The following RASGRF2 variants were observed in gnomAD, a reference collection of about 807,000 sequenced individuals.
RASGRF2 encodes ras-specific guanine nucleotide-releasing factor 2.
RASGRF2 carries 76 observed loss-of-function variants against 151.0 expected under a neutral mutation model. The observed-to-expected ratio is 0.50, with a 90% CI of 0.42 to 0.61. The LOEUF (loss-of-function observed/expected upper bound fraction) is 0.61, where lower values mean the gene tolerates loss of function less well. Ranked by LOEUF, RASGRF2 falls within the 20% of genes least tolerant of loss-of-function variation. The probability of loss-of-function intolerance (pLI) is 0.00; values close to 1 mark genes in which losing one functional copy is unlikely to be tolerated. For synonymous variants in RASGRF2, 504 were observed against 566.5 expected (o/e 0.89, Z 1.57); for missense variants, 1,148 against 1,564.6 (o/e 0.73, Z 4.49).
chr5:81,019,368 T>C (rs1016226846), intron 1 of RASGRF2: 3 of 152,214 alleles, frequency 2.0e-5, no homozygotes, highest in South Asian at 2.1e-4. Flanking sequence ...TAGTCCCCTG[T>C]GCGTTGAGAT....
At chr5:81,172,444 T>C (rs372348426) in intron 17 of RASGRF2, among the ~76,000 whole-genome samples, 1 of 142,236 alleles carries the variant, frequency 7.0e-6, no homozygotes, top group East Asian at 2.1e-4. Flanking sequence ...CGTGTGTGTG[T>C]GTGTGTGTGT....
At chr5:81,140,879 G>A (rs1372278879) in intron 17 of RASGRF2, among the ~76,000 whole-genome samples, 3 of 152,150 alleles carry the variant, frequency 2.0e-5, no homozygotes, top group South Asian at 4.1e-4. Context: ...AGTAACCTAA[G>A]TAGGGATGGA....
intron 23 of RASGRF2, among the ~76,000 whole-genome samples, chr5:81,215,463 G>T (rs1484544593): frequency 6.6e-6 from 1 of 151,734 alleles, no homozygotes; most frequent in Non-Finnish European, 1.5e-5. Context: ...TAGAGATGGG[G>T]TTTCACCATG....
chr5:81,225,696 G>T lies in RASGRF2; in HGVS notation c.3640G>T (p.Asp1214Tyr), dbSNP rs1267616887. The change falls in exon 27 of 27, where the codon GAC (aspartate) becomes TAC (tyrosine). Residue 1214 changes from aspartate (D) to tyrosine (Y), a missense_variant. Around this residue, in one of 5 missense-constraint regions of RASGRF2, gnomAD observed 100 missense variants for 148.2 expected, o/e 0.67. Transcript: ENST00000265080. ...TTTTCAGGTCGCACAGTACTTGCTT[G>T]ACAAAGACCTTATCATAGATGAAGA... ...HQPKVAQYLL[D>Y]KDLIIDEDTL... is the part of the protein sequence containing the mutation. 6.2e-7 allele frequency: 1 copy of T among 1,612,100 alleles called. No individual in the cohort carries two copies. The highest frequency in any genetic ancestry group is 8.5e-7 in the Non-Finnish European group (1 of 1,179,542).
chr5:81,158,242 T>C (rs1186175908), intron 17 of RASGRF2, among the ~76,000 whole-genome samples: 1 of 152,218 alleles, frequency 6.6e-6, no homozygotes, highest in African/African-American at 2.4e-5. Context: ...AGTTGTTGAT[T>C]TTCTGTAAAG....
intron 17 of RASGRF2, among the ~76,000 whole-genome samples, chr5:81,152,324 A>G (rs552298707): frequency 6.6e-6 from 1 of 152,246 alleles, no homozygotes; most frequent in Admixed American, 6.5e-5. Context: ...TTCAAATTCA[A>G]ATAAAGATTA....
intron 16 of RASGRF2, among the ~76,000 whole-genome samples, chr5:81,124,101 T>C (rs1753388756): frequency 6.6e-6 from 1 of 152,218 alleles, no homozygotes; most frequent in Non-Finnish European, 1.5e-5. Flanking sequence ...TGTTAGTTAT[T>C]ATAAATAATC....
chr5:81,027,240 A>G (rs1750067731), intron 1 of RASGRF2, among the ~76,000 whole-genome samples: 1 of 152,212 alleles, frequency 6.6e-6, no homozygotes, highest in Non-Finnish European at 1.5e-5. Flanking sequence ...TATGGGCTTT[A>G]GTTAATAATT....
intron 15 of RASGRF2, among the ~76,000 whole-genome samples, chr5:81,121,630 G>GTC (rs1017931429): frequency 6.6e-6 from 1 of 152,116 alleles, no homozygotes; most frequent in Non-Finnish European, 1.5e-5. Context: ...CATTCCTCAC[G>GTC]TCTGTTCCAG....
At chr5:81,125,457 A>G (rs1753427070) in intron 16 of RASGRF2, among the ~76,000 whole-genome samples, 1 of 152,174 alleles carries the variant, frequency 6.6e-6, no homozygotes, top group African/African-American at 2.4e-5. Flanking sequence ...GAAGGTGACA[A>G]ATTAGACTTT....
At chr5:81,159,472 C>G (rs1754333734) in intron 17 of RASGRF2, among the ~76,000 whole-genome samples, 1 of 152,216 alleles carries the variant, frequency 6.6e-6, no homozygotes, top group East Asian at 1.9e-4. Flanking sequence ...ACCACGTACT[C>G]TACGATTCCT....
intron 1 of RASGRF2, among the ~76,000 whole-genome samples, chr5:80,981,306 T>G (rs1237247404): frequency 2.6e-5 from 4 of 152,320 alleles, no homozygotes; most frequent in Non-Finnish European, 5.9e-5. Context: ...GGTTTTCAGG[T>G]CATGGTATCA....
Position 81,140,263 on chromosome 5 carries a change from T to G in RASGRF2, c.2686+13100T>G, listed in dbSNP as rs76802855. Among the ~76,000 whole-genome samples the G allele has an allele frequency of 2.3e-3, 343 of 152,344 alleles. 2 individuals carry two copies. The highest frequency in any genetic ancestry group is 8.1e-3 in the African/African-American group (336 of 41,576). On this transcript the variant is annotated intron_variant, in intron 17 of 26. Coordinates refer to ENST00000265080, the MANE Select transcript of RASGRF2 (RefSeq NM_006909.3). ...TCTTTCACACCATTCTTCAACAGAT[T>G]CAGGACACCTTTTTGTTTTTTCCTA...
chr5:81,095,067 G>GT (rs1361694578), intron 12 of RASGRF2, 75 bp downstream of exon 12: 24 of 1,172,700 alleles, frequency 2.0e-5, no homozygotes, highest in African/African-American at 1.7e-4. Context: ...GTTTTTAGAG[G>GT]TTTTTTATCT....
intron 2 of RASGRF2, among the ~76,000 whole-genome samples, chr5:81,050,315 TC>T (rs1750971420): frequency 6.6e-6 from 1 of 152,232 alleles, no homozygotes; most frequent in Non-Finnish European, 1.5e-5. Flanking sequence ...ATTCCGGGGT[TC>T]CCAGTTGCTT....
intron 15 of RASGRF2, among the ~76,000 whole-genome samples, chr5:81,118,680 C>T (rs1250298442): frequency 6.6e-6 from 1 of 152,208 alleles, no homozygotes; most frequent in African/African-American, 2.4e-5. Context: ...GCAAATTTTC[C>T]AAGTCTTTCT....
chr5:81,034,759 T>G (rs1215347616), intron 1 of RASGRF2, among the ~76,000 whole-genome samples: 3 of 135,210 alleles, frequency 2.2e-5, no homozygotes, highest in South Asian at 2.3e-4. Context: ...TGAGAACATA[T>G]GGACACAGGA....
intron 1 of RASGRF2, among the ~76,000 whole-genome samples, chr5:81,003,414 A>T (rs6453536): frequency 6.6e-6 from 1 of 151,898 alleles, no homozygotes; most frequent in Non-Finnish European, 1.5e-5. Flanking sequence ...TAGTAGAGAC[A>T]GGGTTTCACC....
chr5:81,207,941 C>T (rs1204424018), intron 21 of RASGRF2, among the ~76,000 whole-genome samples: 1 of 152,212 alleles, frequency 6.6e-6, no homozygotes, highest in Non-Finnish European at 1.5e-5. Flanking sequence ...TTCTGACTAA[C>T]ATTTTTGGTA....
Sources: gnomAD v4.1 joint callset for allele counts (sites outside exome capture counted in the v4.1 genomes callset) on GRCh38, gnomAD v4.1.1 for gene constraint, gnomAD v4.1.1 regional missense constraint, MANE v1.5 for transcripts, NCBI Gene and HGNC (gene_info 2026-07-23, HGNC 2026-07-21) for gene names.